CLIC5: variants seen among roughly 807,000 people sequenced by gnomAD.
CLIC5 encodes the protein CLIC family member 5.
Under a neutral mutation model 24.7 loss-of-function variants are expected in CLIC5, and 20 were observed. The observed-to-expected ratio is 0.81, with a 90% CI of 0.57 to 1.18. The LOEUF (loss-of-function observed/expected upper bound fraction) is 1.18, where lower values mean the gene tolerates loss of function less well. Ranked by LOEUF, CLIC5 falls within the 50% of genes most tolerant of loss-of-function variation. The pLI, the probability that CLIC5 is intolerant of heterozygous loss-of-function variation, is 0.00. For synonymous variants in CLIC5, 159 were observed against 135.6 expected (o/e 1.17, Z -1.20); for missense variants, 341 against 326.1 (o/e 1.05, Z -0.35).
intron 1 of CLIC5, chr6:46,014,739 C>T (rs1295717465): frequency 6.6e-6 from 1 of 152,222 alleles, no homozygotes; most frequent in Non-Finnish European, 1.5e-5. Flanking sequence ...TAAAGTACAG[C>T]AGCTCTGACA....
rs1370985907 is a variant in CLIC5 at position 45,931,005 on chromosome 6, T to A, written c.406+10542A>T. ...ACTTTCATGCTGCCCTCAAGCTAAGTATTGTTTTGTGTTTTACATTTTTGC... is the reference window on the plus strand; with the variant it reads ...ACTTTCATGCTGCCCTCAAGCTAAGAATTGTTTTGTGTTTTACATTTTTGC... On this transcript the variant is annotated intron_variant, in intron 4 of 5. Transcript: ENST00000339561. 2.6e-5 allele frequency among the ~76,000 whole-genome samples: 4 copies of A among 152,190 alleles called. No homozygotes were observed. The East Asian group carries it at 7.7e-4, about 29-fold the overall frequency.
At chr6:46,102,963 T>C in the CLIC5 span, among the ~76,000 whole-genome samples, 3 of 152,224 alleles carry the variant, frequency 2.0e-5, no homozygotes, top group African/African-American at 7.2e-5. Context: ...CATATTCAAA[T>C]ATAGCATGGG....
rs899706720 is a variant in CLIC5, at chr6:46,043,854, C to T, written c.540+35849G>A. Among the ~76,000 whole-genome samples the T allele has an allele frequency of 5.3e-5, 8 of 152,320 alleles. No homozygotes were observed. In the East Asian group the frequency reaches 1.5e-3, roughly 29 times the overall value. ...CAAGGAGCTCTCTGTATCTAACTTG[C>T]AGAGGGCAGCAGAGTTTATCATTGC... On this transcript the variant is annotated intron_variant, in intron 1 of 5. Coordinates refer to the CLIC5 transcript ENST00000185206.
the CLIC5 span, among the ~76,000 whole-genome samples, chr6:46,121,770 G>T: frequency 2.0e-5 from 3 of 151,960 alleles, no homozygotes; most frequent in Admixed American, 6.6e-5. Context: ...AAAAAGGCAG[G>T]GGTTGCAATC....
At chr6:45,913,297 G>A (rs573549232) in intron 5 of CLIC5, among the ~76,000 whole-genome samples, 1 of 152,290 alleles carries the variant, frequency 6.6e-6, no homozygotes, top group African/African-American at 2.4e-5. Context: ...AGGCTGACGA[G>A]GGTCAGGAAA....
intron 6 of CLIC5, chr6:45,881,205 A>C: frequency 5.0e-6 from 2 of 398,356 alleles, no homozygotes. Flanking sequence ...GTAAAGAAAC[A>C]ACAGGATTTG....
chr6:46,014,329 T>G (rs1003271076), intron 1 of CLIC5: 1 of 151,020 alleles, frequency 6.6e-6, no homozygotes, highest in Non-Finnish European at 1.5e-5. Context: ...TGCAAACATC[T>G]ATTTAATTAG....
At chr6:45,926,218 C>T (rs1763479888) in intron 4 of CLIC5, among the ~76,000 whole-genome samples, 1 of 123,786 alleles carries the variant, frequency 8.1e-6, no homozygotes, top group Non-Finnish European at 1.7e-5. Context: ...CACATATATA[C>T]ATACATATAC....
chr6:46,078,276 T>C (rs1762824875), intron 1 of CLIC5, among the ~76,000 whole-genome samples: 1 of 152,030 alleles, frequency 6.6e-6, no homozygotes, highest in South Asian at 2.1e-4. Flanking sequence ...AGGAGAATCA[T>C]TTGAATCTGG....
chr6:46,014,083 C>T (rs1441284733), intron 1 of CLIC5, among the ~76,000 whole-genome samples: 1 of 152,138 alleles, frequency 6.6e-6, no homozygotes, highest in African/African-American at 2.4e-5. Flanking sequence ...ACACAGGGGC[C>T]ACAGTGGGAA....
intron 2 of CLIC5, among the ~76,000 whole-genome samples, chr6:45,952,277 T>C (rs1225480253): frequency 6.6e-6 from 1 of 152,236 alleles, no homozygotes; most frequent in Non-Finnish European, 1.5e-5. Context: ...GTATTTATAG[T>C]TGAGACTATA....
intron 1 of CLIC5, among the ~76,000 whole-genome samples, chr6:45,964,285 C>T (rs967479242): frequency 1.3e-5 from 2 of 152,268 alleles, no homozygotes; most frequent in Non-Finnish European, 1.5e-5. Flanking sequence ...GTTCAAATTC[C>T]TCCCCTGACA....
rs1211487709 is a variant in CLIC5 at position 45,900,604 on chromosome 6, C to T, written c.*2484G>A. The T allele has an allele frequency of 1.3e-5, 2 of 151,268 alleles. No homozygotes were observed. The highest frequency in any genetic ancestry group is 3.9e-4 in the East Asian group (2 of 5,174). The allele number at this position is 151,268 out of a possible 1,614,324, so 9.4% of individuals were successfully genotyped here. ...CCATAATAAATCTAGTCATAAGACA[C>T]CATAACTAACTCTTAGTCCATAGTC... On this transcript the variant is annotated 3_prime_UTR_variant, in exon 6 of 6. Transcript: ENST00000339561.
intron 5 of CLIC5, among the ~76,000 whole-genome samples, chr6:45,906,228 G>GT (rs1314873757): frequency 6.6e-6 from 1 of 152,134 alleles, no homozygotes; most frequent in Non-Finnish European, 1.5e-5. Flanking sequence ...TTTTAGAATA[G>GT]TTTTTTCTAG....
intron 1 of CLIC5, among the ~76,000 whole-genome samples, chr6:46,038,027 T>A (rs1455354739): frequency 6.6e-6 from 1 of 152,130 alleles, no homozygotes; most frequent in Non-Finnish European, 1.5e-5. Context: ...GTGGGACTTT[T>A]TGTATTCATA....
chr6:45,964,331 C>T (rs1764948399), intron 1 of CLIC5, among the ~76,000 whole-genome samples: 1 of 152,204 alleles, frequency 6.6e-6, no homozygotes, highest in Non-Finnish European at 1.5e-5. Flanking sequence ...GCACTATTTC[C>T]AATCCCGTAT....
At chr6:45,924,729 T>C (rs922661829) in intron 4 of CLIC5, among the ~76,000 whole-genome samples, 9 of 151,632 alleles carry the variant, frequency 5.9e-5, no homozygotes, top group African/African-American at 2.2e-4. Context: ...AAGAATTCAG[T>C]CTCCTTTTAT....
chr6:45,898,745 A>C lies in CLIC5; in HGVS notation c.*4343T>G, dbSNP rs879137447. On this transcript the variant is annotated 3_prime_UTR_variant, in exon 6 of 6. Transcript: ENST00000339561. ...TAAGCTAGTTAACTCCCCAGCTTAT[A>C]AAATAGGACAACGAGGTGGCCAGGA... 6.5e-6 allele frequency: 1 copy of C among 152,676 alleles called. No homozygotes were observed. The highest frequency in any genetic ancestry group is 2.1e-4 in the South Asian group (1 of 4,832). 9.5% of individuals were successfully genotyped at this position (152,676 alleles called of 1,614,324 possible).
chr6:45,931,752 G>T (rs140623571), intron 4 of CLIC5, among the ~76,000 whole-genome samples: 4 of 152,048 alleles, frequency 2.6e-5, no homozygotes, highest in Non-Finnish European at 4.4e-5. Flanking sequence ...TCTGCCTCCC[G>T]GGTTTAAGTG....
Sources: allele counts gnomAD v4.1 joint callset (sites outside exome capture counted in the v4.1 genomes callset), GRCh38; gene constraint gnomAD v4.1.1; transcripts MANE v1.5; gene names NCBI Gene and HGNC (gene_info 2026-07-23, HGNC 2026-07-21).